ENTPD1: variants seen among roughly 807,000 people sequenced by gnomAD.
The protein encoded by ENTPD1 is ectonucleoside triphosphate diphosphohydrolase 1, also known as ATP diphosphohydrolase.
In ENTPD1, 33 loss-of-function variants were observed where a neutral mutation model predicts 57.0. The observed-to-expected ratio is 0.58, with a 90% CI of 0.44 to 0.77. ENTPD1 has a LOEUF of 0.77. Among genes scored for constraint, ENTPD1 ranks in the 30% least tolerant of loss-of-function variants. The probability of loss-of-function intolerance (pLI) is 0.00; values close to 1 mark genes in which losing one functional copy is unlikely to be tolerated. For missense variants in ENTPD1, 501 were observed against 603.4 expected (o/e 0.83, Z 1.78); for synonymous variants, 202 against 218.8 (o/e 0.92, Z 0.68).
intron 1 of ENTPD1, among the ~76,000 whole-genome samples, chr10:95,796,396 A>G (rs540802971): frequency 1.3e-5 from 2 of 152,292 alleles, no homozygotes; most frequent in Admixed American, 1.3e-4. Flanking sequence ...TAAACTAACA[A>G]TTTGAGCCTC....
At chr10:95,709,358 C>T (rs2097963764), upstream of ENTPD1, among the ~76,000 whole-genome samples, 1 of 138,292 alleles carries the variant, frequency 7.2e-6, no homozygotes, top group Admixed American at 7.9e-5. Flanking sequence ...TCCTCTTTTC[C>T]TTATTTTTTT....
At chr10:95,696,070 G>T in the ENTPD1 span, among the ~76,000 whole-genome samples, 1 of 152,240 alleles carries the variant, frequency 6.6e-6, no homozygotes, top group East Asian at 1.9e-4. Flanking sequence ...GAATTTATTA[G>T]CGTTGGCAAA....
In ENTPD1 at chr10:95,867,883, A is replaced by G. The variant is rs1178387533; in HGVS notation, c.*1500A>G. 1 of 985,370 alleles carries G rather than the reference A, an allele frequency of 1.0e-6. No individual in the cohort carries two copies. Among genetic ancestry groups the G allele is most frequent in the East Asian group, 1.1e-4 (1 of 8,836 alleles). The allele number at this position is 985,370 out of a possible 1,614,324, so 61.0% of individuals were successfully genotyped here. A position where few individuals can be genotyped will look rare whatever the true frequency, so the allele number is the denominator to read the frequency against. ...CACTTTTGACAACATCCAGGTGAATATAAAAACTTAATAAAGCTGTGGAAA... is the reference window on the plus strand; with the variant it reads ...CACTTTTGACAACATCCAGGTGAATGTAAAAACTTAATAAAGCTGTGGAAA... On this transcript the variant is annotated 3_prime_UTR_variant, in exon 10 of 10. Transcript: ENST00000371205.
chr10:95,745,019 G>A (rs1036049384), intron 1 of ENTPD1, among the ~76,000 whole-genome samples: 3 of 151,978 alleles, frequency 2.0e-5, no homozygotes, highest in Admixed American at 6.6e-5. Context: ...ATATTTTTAA[G>A]TTTTGGAGCT....
chr10:95,796,231 G>C (rs1244626234), intron 1 of ENTPD1, among the ~76,000 whole-genome samples: 1 of 152,152 alleles, frequency 6.6e-6, no homozygotes, highest in East Asian at 1.9e-4. Flanking sequence ...TTGTTCTTAA[G>C]GTGCTCTGTC....
chr10:95,763,348 T>C (rs2098074743), intron 1 of ENTPD1, among the ~76,000 whole-genome samples: 2 of 152,226 alleles, frequency 1.3e-5, no homozygotes, highest in Non-Finnish European at 2.9e-5. Flanking sequence ...GAATATTACT[T>C]CTAAAAGATT....
At position 95,844,522 on chromosome 10, in the gene ENTPD1, A is replaced by G. The variant is rs2098429980; in HGVS notation, c.460A>G (p.Arg154Gly). ...LADRVLDVVE[R>G]SLSNYPFDFQ... is the part of the protein sequence containing the mutation. Reference sequence around the variant, plus strand: ...AGACAGGGTTCTGGATGTGGTGGAGAGGAGCCTCAGCAACTACCCCTTTGA... The same window carrying G: ...AGACAGGGTTCTGGATGTGGTGGAGGGGAGCCTCAGCAACTACCCCTTTGA... Residue 154 changes from arginine (R) to glycine (G), a missense_variant, in exon 5 of 10, where the codon AGG (arginine) becomes GGG (glycine). Coordinates refer to ENST00000371205, the MANE Select transcript of ENTPD1 (RefSeq NM_001776.6). The G allele has an allele frequency of 6.2e-7, 1 of 1,614,228 alleles. No individual in the cohort carries two copies. The highest frequency in any genetic ancestry group is 8.5e-7 in the Non-Finnish European group (1 of 1,180,032).
At chr10:95,858,788 G>A (rs191043853) in intron 7 of ENTPD1, among the ~76,000 whole-genome samples, 1 of 152,292 alleles carries the variant, frequency 6.6e-6, no homozygotes, top group East Asian at 1.9e-4. Context: ...GGAAATTGCT[G>A]GAAATCAGGA....
chr10:95,794,383 C>A (rs545159263), intron 1 of ENTPD1, among the ~76,000 whole-genome samples: 1 of 152,136 alleles, frequency 6.6e-6, no homozygotes, highest in South Asian at 2.1e-4. Flanking sequence ...GTGCTCAGCA[C>A]GGGGGATGAA....
At chr10:95,759,085 G>A (rs914384656) in intron 1 of ENTPD1, among the ~76,000 whole-genome samples, 2 of 152,122 alleles carry the variant, frequency 1.3e-5, no homozygotes, top group Non-Finnish European at 2.9e-5. Context: ...AGCACCTTGA[G>A]TTCCCTAATG....
intron 2 of ENTPD1, among the ~76,000 whole-genome samples, chr10:95,830,286 T>C (rs1298926673): frequency 1.3e-5 from 2 of 152,084 alleles, no homozygotes; most frequent in African/African-American, 4.8e-5. Flanking sequence ...TCAGTATGGT[T>C]AGATTGTTGA....
intron 1 of ENTPD1, among the ~76,000 whole-genome samples, chr10:95,728,701 G>T (rs888492316): frequency 1.6e-4 from 25 of 152,214 alleles, no homozygotes; most frequent in African/African-American, 5.3e-4. Flanking sequence ...GATGATGTTC[G>T]TCACACAGTG....
At chr10:95,823,910 G>C (rs1250758896) in intron 2 of ENTPD1, among the ~76,000 whole-genome samples, 3 of 152,160 alleles carry the variant, frequency 2.0e-5, no homozygotes, top group African/African-American at 7.2e-5. Context: ...CGTGTATCAG[G>C]TATAGTCATT....
intron 2 of ENTPD1, among the ~76,000 whole-genome samples, chr10:95,835,288 G>T (rs4539246): frequency 0.5 from 76,339 of 151,982 alleles, 19,670 homozygotes; most frequent in Admixed American, 0.6. Context: ...TTTTATGGCT[G>T]CATAGTATTC....
At chr10:95,754,574 A>AG (rs1243113248), upstream of ENTPD1, 1 of 152,144 alleles carries the variant, frequency 6.6e-6, no homozygotes. Flanking sequence ...CAATAGTACA[A>AG]AGGCAGTCAT....
intron 1 of ENTPD1, among the ~76,000 whole-genome samples, chr10:95,719,725 A>G (rs1427265088): frequency 6.6e-6 from 1 of 152,226 alleles, no homozygotes; most frequent in Non-Finnish European, 1.5e-5. Context: ...GTACCAAAGG[A>G]CAAGAGTGTC....
In ENTPD1 at chr10:95,823,244, C is replaced by A. The variant is rs368856010; in HGVS notation, c.24C>A (p.Asn8Lys). The change falls in exon 2 of 10, where the codon AAC becomes AAA. Residue 8 changes from asparagine to lysine, a missense_variant. Coordinates refer to ENST00000371205, the MANE Select transcript of ENTPD1 (RefSeq NM_001776.6). ...TTCTGCTTTTGGTTTTAGAGTCTAACGTGAAGACATTTTGCTCCAAGAATA... is the reference window on the plus strand; with the variant it reads ...TTCTGCTTTTGGTTTTAGAGTCTAAAGTGAAGACATTTTGCTCCAAGAATA... MEDTKES[N>K]VKTFCSKNIL... is the part of the protein sequence containing the mutation. 1 of 1,614,066 alleles carries A rather than the reference C, an allele frequency of 6.2e-7. No homozygotes were observed. Among genetic ancestry groups the A allele is most frequent in the Non-Finnish European group, 8.5e-7 (1 of 1,179,954 alleles).
Position 95,873,389 on chromosome 10 carries a change from T to C in ENTPD1, c.*7006T>C. 1.0e-6 allele frequency: 1 copy of C among 985,636 alleles called. No individual in the cohort carries two copies. The highest frequency in any genetic ancestry group is 1.2e-6 in the Non-Finnish European group (1 of 830,070). 61.1% of individuals were successfully genotyped at this position (985,636 alleles called of 1,614,324 possible). On this transcript the variant is annotated 3_prime_UTR_variant, in exon 10 of 10. Coordinates refer to ENST00000371205, the MANE Select transcript of ENTPD1 (RefSeq NM_001776.6). ...CCAGGAGATCCCTCTCTGCCTTGCC[T>C]TGCCCTCTGCCTTTGGAGACCAGCA... is the stretch of plus-strand genomic sequence containing the variant.
the ENTPD1 span, among the ~76,000 whole-genome samples, chr10:95,700,169 C>T: frequency 2.6e-5 from 4 of 152,014 alleles, no homozygotes; most frequent in African/African-American, 9.7e-5. Flanking sequence ...GAATATTTGG[C>T]AAAGGAGCAA....
Sources: allele counts gnomAD v4.1 joint callset (sites outside exome capture counted in the v4.1 genomes callset), GRCh38; gene constraint gnomAD v4.1.1; transcripts MANE v1.5; gene names NCBI Gene and HGNC (gene_info 2026-07-23, HGNC 2026-07-21).